MMP28: variants seen among roughly 807,000 people sequenced by gnomAD.
The protein encoded by MMP28 is matrix metalloproteinase-28.
A neutral mutation model predicts 60.5 loss-of-function variants in MMP28; 55 were observed. That is an observed-to-expected ratio of 0.91 (90% CI 0.73 to 1.14). The LOEUF (loss-of-function observed/expected upper bound fraction) is 1.14, where lower values mean the gene tolerates loss of function less well. MMP28 is among the 50% of genes most tolerant of loss of function. The pLI is 0.00. For synonymous variants in MMP28, 318 were observed against 312.5 expected, an observed-to-expected ratio of 1.02 and a Z score of -0.18; for missense variants, 686 against 738.3, an observed-to-expected ratio of 0.93 and a Z score of 0.82.
At chr17:35,768,150 C>CA (rs1466116812) in intron 6 of MMP28, 80 bp downstream of exon 6, 2 of 1,498,936 alleles carry the variant, frequency 1.3e-6, no homozygotes, top group African/African-American at 2.8e-5. Flanking sequence ...GTCCATCCCC[C>CA]CAACTTGTAC....
At chr17:35,771,696 A>AATATATATATAT (rs71366482) in intron 4 of MMP28, among the ~76,000 whole-genome samples, 3 of 50,608 alleles carry the variant, frequency 5.9e-5, no homozygotes, top group Non-Finnish European at 1.2e-4. Flanking sequence ...TATAGAAGTG[A>AATATATATATAT]ATATATATAT....
chr17:35,795,172 T>C (rs2086932610), intron 1 of MMP28, 95 bp downstream of exon 1: 15 of 752,846 alleles, frequency 2.0e-5, no homozygotes. Flanking sequence ...TAACGCAGAT[T>C]GTCTGCTCAC....
At chr17:35,779,367 C>T (rs779003525) in intron 1 of MMP28, 44 bp from the exon 2 acceptor site, 11 of 1,545,868 alleles carry the variant, frequency 7.1e-6, no homozygotes, top group South Asian at 2.3e-5. Context: ...GCATCCTTTC[C>T]CCTCCCTTGG....
At chr17:35,765,572 T>C (rs1188361769), downstream of MMP28, among the ~76,000 whole-genome samples, 1 of 152,244 alleles carries the variant, frequency 6.6e-6, no homozygotes, top group African/African-American at 2.4e-5. Context: ...ACCCTCAGCC[T>C]GCAGGGCTGC....
At chr17:35,774,113 G>A (rs2086253977) in intron 3 of MMP28, among the ~76,000 whole-genome samples, 1 of 152,186 alleles carries the variant, frequency 6.6e-6, no homozygotes. Context: ...TTCCATCTCT[G>A]CTTTGTTAAG....
At chr17:35,768,685 G>A (rs929673511) in intron 5 of MMP28, among the ~76,000 whole-genome samples, 58 of 152,212 alleles carry the variant, frequency 3.8e-4, no homozygotes, top group African/African-American at 1.3e-3. Context: ...TGGTGCACAC[G>A]TGTAGTCCCA....
At chr17:35,775,082 C>T (rs964209360) in intron 3 of MMP28, among the ~76,000 whole-genome samples, 12 of 152,178 alleles carry the variant, frequency 7.9e-5, no homozygotes, top group Non-Finnish European at 1.3e-4. Flanking sequence ...CATTCTAGGC[C>T]GCCAGTGAAG....
chr17:35,779,233 C>T lies in MMP28; in HGVS notation c.191+11G>A. On this transcript the variant is annotated intron_variant, in intron 2 of 7. Transcript: ENST00000605424. Reference sequence around the variant, plus strand: ...CCCCTACCCCAAGTCCTCCACATCCCTCCACCCTACCTGATGGCATCGCTG... The same window carrying T: ...CCCCTACCCCAAGTCCTCCACATCCTTCCACCCTACCTGATGGCATCGCTG... 6.2e-7 allele frequency: 1 copy of T among 1,607,904 alleles called. No homozygotes were observed. Among genetic ancestry groups the T allele is most frequent in the Non-Finnish European group, 8.5e-7 (1 of 1,177,258 alleles).
At chr17:35,791,967 G>T (rs544124323) in intron 1 of MMP28, among the ~76,000 whole-genome samples, 1 of 152,072 alleles carries the variant, frequency 6.6e-6, no homozygotes, top group South Asian at 2.1e-4. Context: ...AGCCCTGAAC[G>T]CTGAGCTTTG....
chr17:35,761,612 C>T (rs1555601526), downstream of MMP28, among the ~76,000 whole-genome samples: 1 of 152,134 alleles, frequency 6.6e-6, no homozygotes, highest in African/African-American at 2.4e-5. Context: ...TCATCATCTC[C>T]ACCTGCTCCT....
At chr17:35,792,396 T>C (rs370157124) in intron 1 of MMP28, among the ~76,000 whole-genome samples, 7 of 152,130 alleles carry the variant, frequency 4.6e-5, no homozygotes, top group South Asian at 4.1e-4. Context: ...GATAGGTCCA[T>C]GTGAAAAATA....
intron 1 of MMP28, among the ~76,000 whole-genome samples, chr17:35,794,659 A>T (rs569374588): frequency 4.6e-5 from 7 of 152,166 alleles, no homozygotes; most frequent in Non-Finnish European, 7.3e-5. Flanking sequence ...AAGAAAATGG[A>T]AAGGGAGCTC....
intron 1 of MMP28, among the ~76,000 whole-genome samples, chr17:35,786,849 A>T (rs546999661): frequency 1.3e-5 from 2 of 152,192 alleles, no homozygotes; most frequent in South Asian, 4.2e-4. Context: ...TCTCACAATG[A>T]TCTTGCAAGA....
downstream of MMP28, chr17:35,764,410 TG>T: frequency 1.3e-6 from 2 of 1,517,892 alleles, no homozygotes; most frequent in South Asian, 2.5e-5. Flanking sequence ...ACTGAGCGCC[TG>T]GTCCCCGCCG....
chr17:35,771,356 G>A (rs552999550), intron 4 of MMP28, among the ~76,000 whole-genome samples: 2 of 148,666 alleles, frequency 1.3e-5, no homozygotes, highest in South Asian at 2.2e-4. Flanking sequence ...GTGTGAACCC[G>A]GGAAGCAGAG....
chr17:35,779,773 T>G lies in MMP28; in HGVS notation c.112-450A>C, dbSNP rs1024215222. Reference sequence around the variant, plus strand: ...TAGTACTTACCTTACAGGGGTTTTTTTGTGTGTGTGAGGACTAATCGCAAG... The same window carrying G: ...TAGTACTTACCTTACAGGGGTTTTTGTGTGTGTGTGAGGACTAATCGCAAG... On this transcript the variant is annotated intron_variant, in intron 1 of 7. Transcript: ENST00000605424. Among the ~76,000 whole-genome samples the G allele has an allele frequency of 7.2e-5, 11 of 152,300 alleles. 1 individual carries two copies. The South Asian group carries it at 1.4e-3, about 20-fold the overall frequency.
In MMP28 at chr17:35,766,173, G is replaced by A. The variant is rs1044264392; in HGVS notation, c.*327C>T. The A allele has an allele frequency of 9.0e-6, 10 of 1,106,360 alleles. No homozygotes were observed. In the African/African-American group the frequency reaches 9.7e-5, roughly 11 times the overall value. The allele number at this position is 1,106,360 out of a possible 1,614,324, so 68.5% of individuals were successfully genotyped here. Reference sequence around the variant, plus strand: ...ATCCCCCTGCTTGGATCCCAGTGCTGTTACCTCTTGAAAGGAACTGTACCT... The same window carrying A: ...ATCCCCCTGCTTGGATCCCAGTGCTATTACCTCTTGAAAGGAACTGTACCT... On this transcript the variant is annotated 3_prime_UTR_variant, in exon 8 of 8. Transcript: ENST00000605424. The surrounding 1 kb of genome is among the most constrained non-coding windows in gnomAD (Gnocchi z 4.3).
chr17:35,787,944 G>C (rs549782280), intron 1 of MMP28, among the ~76,000 whole-genome samples: 1 of 120,756 alleles, frequency 8.3e-6, no homozygotes, highest in East Asian at 2.7e-4. Flanking sequence ...CTTGCTCGTC[G>C]CCCTGGCTGA....
At chr17:35,760,579 C>T (rs587734176) in intron 2 of MMP28, among the ~76,000 whole-genome samples, 261 of 152,310 alleles carry the variant, frequency 1.7e-3, no homozygotes, top group Non-Finnish European at 3.1e-3. Context: ...GTATTACTAT[C>T]TCTGACTTAC....
Sources: gnomAD v4.1 joint callset for allele counts (sites outside exome capture counted in the v4.1 genomes callset) on GRCh38, gnomAD v4.1.1 for gene constraint, Gnocchi (gnomAD v3.1) non-coding constraint, MANE v1.5 for transcripts, NCBI Gene and HGNC (gene_info 2026-07-23, HGNC 2026-07-21) for gene names.